Variants in L3MBTL4 observed in about 807,000 individuals in gnomAD.
L3MBTL4 encodes lethal(3)malignant brain tumor-like protein 4.
Under a neutral mutation model 84.5 loss-of-function variants are expected in L3MBTL4, and 70 were observed. That is an observed-to-expected ratio of 0.83 (90% CI 0.68 to 1.01). The LOEUF is 1.01. L3MBTL4 is among the 50% of genes least tolerant of loss of function. The pLI is 0.00. For synonymous variants in L3MBTL4, 274 were observed against 259.8 expected (o/e 1.05, Z -0.52); for missense variants, 715 against 754.8 (o/e 0.95, Z 0.62).
At chr18:6,408,878 T>C (rs974405088) in intron 1 of L3MBTL4, among the ~76,000 whole-genome samples, 1 of 152,050 alleles carries the variant, frequency 6.6e-6, no homozygotes, top group South Asian at 2.1e-4. Flanking sequence ...GGTTTCGCCA[T>C]GTTACCCAGG....
At chr18:6,303,795 C>G (rs1040879120) in intron 3 of L3MBTL4, among the ~76,000 whole-genome samples, 1 of 151,968 alleles carries the variant, frequency 6.6e-6, no homozygotes, top group Non-Finnish European at 1.5e-5. Flanking sequence ...GGAGGATCAC[C>G]TGAGGTCAGG....
At chr18:5,980,701 G>C (rs1251920126) in intron 16 of L3MBTL4, among the ~76,000 whole-genome samples, 6 of 152,110 alleles carry the variant, frequency 3.9e-5, no homozygotes, top group Non-Finnish European at 7.4e-5. Context: ...CAAAGTGCCA[G>C]GATTACAAGC....
At chr18:6,384,926 G>T (rs1334523251) in intron 1 of L3MBTL4, among the ~76,000 whole-genome samples, 1 of 152,184 alleles carries the variant, frequency 6.6e-6, no homozygotes, top group African/African-American at 2.4e-5. Flanking sequence ...CCTAGAGACA[G>T]GGAGCAGGTA....
At chr18:6,106,519 G>A (rs1030234548) in intron 14 of L3MBTL4, among the ~76,000 whole-genome samples, 2 of 152,114 alleles carry the variant, frequency 1.3e-5, no homozygotes, top group East Asian at 3.9e-4. Context: ...TCTCTGCATG[G>A]GATGAACTGT....
intron 1 of L3MBTL4, 135 bp from the exon 2 acceptor site, chr18:6,312,191 T>C (rs570321674): frequency 6.6e-6 from 1 of 152,444 alleles, no homozygotes; most frequent in East Asian, 1.9e-4. Flanking sequence ...GCCAACCGTT[T>C]TGGAGAACCA....
chr18:6,042,292 A>T (rs1003193972), intron 16 of L3MBTL4, among the ~76,000 whole-genome samples: 1 of 151,868 alleles, frequency 6.6e-6, no homozygotes, highest in Non-Finnish European at 1.5e-5. Context: ...TCTCCTTCTC[A>T]CCAGGATCCT....
At chr18:6,311,511 C>G in intron 3 of L3MBTL4, 43 bp downstream of exon 3, 2 of 1,526,502 alleles carry the variant, frequency 1.3e-6, no homozygotes, top group Non-Finnish European at 1.8e-6. Flanking sequence ...ATTTTGGTAG[C>G]GATCACACAC....
intron 13 of L3MBTL4, among the ~76,000 whole-genome samples, chr18:6,160,830 C>T (rs1223442684): frequency 6.7e-6 from 1 of 150,334 alleles, no homozygotes; most frequent in Non-Finnish European, 1.5e-5. Flanking sequence ...GCTTCTCAAA[C>T]TTGGTTAATT....
chr18:6,404,764 G>T (rs889526443), intron 1 of L3MBTL4, among the ~76,000 whole-genome samples: 12 of 152,110 alleles, frequency 7.9e-5, no homozygotes, highest in African/African-American at 2.4e-4. Flanking sequence ...ACAGCTCACT[G>T]CTGCCTCGGT....
At chr18:6,247,011 T>A (rs758456800) in intron 5 of L3MBTL4, among the ~76,000 whole-genome samples, 10 of 152,214 alleles carry the variant, frequency 6.6e-5, no homozygotes, top group Non-Finnish European at 1.3e-4. Context: ...TTGCTACATT[T>A]CACCTGCTTT....
intron 10 of L3MBTL4, among the ~76,000 whole-genome samples, chr18:6,222,503 C>T (rs568341804): frequency 2.6e-5 from 4 of 152,312 alleles, no homozygotes; most frequent in South Asian, 4.1e-4. Flanking sequence ...ATGGCTCATG[C>T]GGGATCTAAT....
chr18:6,072,884 ATATATATATATAT>A (rs1568069876), intron 16 of L3MBTL4, among the ~76,000 whole-genome samples: 724 of 19,726 alleles, frequency 0.037, 142 homozygotes, highest in South Asian at 0.085. Flanking sequence ...AAAAAAAAAT[ATATATATATATAT>A]ATATATATAT....
At chr18:6,009,716 G>C (rs1013725588) in intron 16 of L3MBTL4, among the ~76,000 whole-genome samples, 1 of 152,094 alleles carries the variant, frequency 6.6e-6, no homozygotes, top group African/African-American at 2.4e-5. Context: ...TATTTTTATT[G>C]TTGTATGTTA....
At position 6,280,420 on chromosome 18, in the gene L3MBTL4, A is replaced by G. The variant is rs1224826131; in HGVS notation, c.128-16382T>C. Among the ~76,000 whole-genome samples, 5 of 152,326 alleles carry G rather than the reference A, an allele frequency of 3.3e-5. No individual in the cohort carries two copies. The East Asian group carries it at 5.8e-4, about 18-fold the overall frequency. ...CAATGTTGTGTCAATGTAACCAGAA[A>G]GTGCAATAGCTGTTAGACCTAATGA... is the stretch of plus-strand genomic sequence containing the variant. On this transcript the variant is annotated intron_variant, in intron 4 of 18. Coordinates refer to ENST00000317931, the MANE Select transcript of L3MBTL4 (RefSeq NM_001330559.2).
chr18:5,996,405 C>A (rs571959211), intron 16 of L3MBTL4, among the ~76,000 whole-genome samples: 1 of 152,170 alleles, frequency 6.6e-6, no homozygotes, highest in African/African-American at 2.4e-5. Flanking sequence ...TAAAATGGAG[C>A]GCTGGCAGTG....
At chr18:5,963,424 A>C (rs2052163108) in intron 17 of L3MBTL4, among the ~76,000 whole-genome samples, 1 of 152,232 alleles carries the variant, frequency 6.6e-6, no homozygotes, top group South Asian at 2.1e-4. Flanking sequence ...CCAAAGCGTC[A>C]ACAGAGCAGA....
intron 1 of L3MBTL4, among the ~76,000 whole-genome samples, chr18:6,355,855 C>A (rs924808672): frequency 3.8e-4 from 54 of 143,416 alleles, no homozygotes; most frequent in East Asian, 1.4e-3. Context: ...AAAAAAAAAA[C>A]AAACAAAGCA....
chr18:6,390,763 C>T (rs570089879), intron 1 of L3MBTL4, among the ~76,000 whole-genome samples: 3 of 152,184 alleles, frequency 2.0e-5, no homozygotes, highest in Admixed American at 2.0e-4. Flanking sequence ...TACGACCTTC[C>T]TAGATTAAAT....
intron 14 of L3MBTL4, among the ~76,000 whole-genome samples, chr18:6,119,526 T>C (rs1568152233): frequency 6.6e-6 from 1 of 152,196 alleles, no homozygotes; most frequent in Non-Finnish European, 1.5e-5. Context: ...AGGCAGGGTG[T>C]TAGGCTTGAA....
Sources: gnomAD v4.1 joint callset for allele counts (sites outside exome capture counted in the v4.1 genomes callset) on GRCh38, gnomAD v4.1.1 for gene constraint, MANE v1.5 for transcripts, NCBI Gene and HGNC (gene_info 2026-07-23, HGNC 2026-07-21) for gene names.